The following WWP2 variants were observed in gnomAD, a reference collection of about 807,000 sequenced individuals.
WWP2 encodes the protein NEDD4-like E3 ubiquitin-protein ligase WWP2.
A neutral mutation model predicts 121.0 loss-of-function variants in WWP2; 57 were observed. The ratio of observed to expected loss-of-function variants is 0.47; its 90% CI spans 0.38 to 0.59. The LOEUF (loss-of-function observed/expected upper bound fraction) is 0.59, where lower values mean the gene tolerates loss of function less well. WWP2 is among the 20% of genes least tolerant of loss of function. WWP2 has a pLI of 0.00. For synonymous variants in WWP2, 449 were observed against 441.3 expected (o/e 1.02, Z -0.22); for missense variants, 962 against 1,158.9 (o/e 0.83, Z 2.47).
At chr16:69,939,724 C>A in intron 23 of WWP2, 117 bp from the exon 24 acceptor site, 1 of 930,920 alleles carries the variant, frequency 1.1e-6, no homozygotes, top group Non-Finnish European at 1.6e-6. Flanking sequence ...GACTGGCAGC[C>A]CCTGAGCCCT....
chr16:69,763,014 T>C (rs989317180), intron 1 of WWP2, among the ~76,000 whole-genome samples: 2 of 152,138 alleles, frequency 1.3e-5, no homozygotes, highest in African/African-American at 2.4e-5. Context: ...TCAGCTCATT[T>C]TTCTTTGAGA....
At position 69,940,167 on chromosome 16, in the gene WWP2, C is replaced by T. The variant is rs1052173000; in HGVS notation, c.*227C>T. ...TAAAGCCCCCTAGTTGCCTTTGGCC[C>T]CACCTTTGCAAAGTTCCAGAGGGCT... On this transcript the variant is annotated 3_prime_UTR_variant, in exon 24 of 24. Coordinates refer to ENST00000359154, the MANE Select transcript of WWP2 (RefSeq NM_001270454.2). The T allele has an allele frequency of 1.2e-5, 7 of 569,230 alleles. No homozygotes were observed. In the African/African-American group the frequency reaches 1.3e-4, roughly 11 times the overall value. 35.3% of individuals were successfully genotyped at this position (569,230 alleles called of 1,614,324 possible).
At chr16:69,891,809 G>A (rs534834489) in intron 8 of WWP2, among the ~76,000 whole-genome samples, 7 of 152,190 alleles carry the variant, frequency 4.6e-5, no homozygotes, top group Non-Finnish European at 4.4e-5. Flanking sequence ...CATCCCATCC[G>A]GGCTAGAACC....
chr16:69,819,840 C>T (rs1007552867), intron 4 of WWP2, among the ~76,000 whole-genome samples: 1 of 152,178 alleles, frequency 6.6e-6, no homozygotes, highest in African/African-American at 2.4e-5. Context: ...CAGTGAGATC[C>T]TTTGTGCCCA....
intron 9 of WWP2, among the ~76,000 whole-genome samples, chr16:69,915,788 CT>C (rs1398656050): frequency 1.3e-5 from 2 of 151,980 alleles, no homozygotes; most frequent in African/African-American, 4.8e-5. Flanking sequence ...AATCCTAGCA[CT>C]TTGGGAGGCT....
intron 6 of WWP2, among the ~76,000 whole-genome samples, chr16:69,856,346 A>G (rs995375002): frequency 1.3e-5 from 2 of 152,158 alleles, no homozygotes; most frequent in Admixed American, 1.3e-4. Flanking sequence ...TTTGGGAGCA[A>G]TGGGAATGTT....
intron 4 of WWP2, among the ~76,000 whole-genome samples, chr16:69,820,254 T>C (rs564526669): frequency 1.3e-5 from 2 of 152,144 alleles, no homozygotes; most frequent in South Asian, 2.1e-4. Context: ...GTTATTATTA[T>C]TTTTTTGAGA....
intron 1 of WWP2, among the ~76,000 whole-genome samples, chr16:69,766,894 C>T (rs11645326): frequency 0.01 from 1,594 of 152,298 alleles, 22 homozygotes; most frequent in Non-Finnish European, 0.015. Flanking sequence ...GCTGGGATTA[C>T]AGGCATCTGC....
At chr16:69,786,766 ACT>A (rs1405707344) in intron 1 of WWP2, among the ~76,000 whole-genome samples, 10 of 151,714 alleles carry the variant, frequency 6.6e-5, no homozygotes, top group Admixed American at 2.6e-4. Context: ...GTCTTAGTAG[ACT>A]CTGCCTCCTC....
intron 1 of WWP2, among the ~76,000 whole-genome samples, chr16:69,781,608 C>A (rs926416608): frequency 1.3e-5 from 2 of 152,052 alleles, no homozygotes; most frequent in Admixed American, 6.6e-5. Context: ...CCTCAGCCTC[C>A]CGAAGTGCTG....
intron 8 of WWP2, among the ~76,000 whole-genome samples, chr16:69,891,939 G>A (rs575953771): frequency 1.3e-5 from 2 of 152,296 alleles, no homozygotes; most frequent in East Asian, 3.9e-4. Flanking sequence ...TCCAGACTGT[G>A]CTGTCTCAGC....
chr16:69,840,352 G>T, intron 5 of WWP2, 89 bp downstream of exon 5: 1 of 1,565,956 alleles, frequency 6.4e-7, no homozygotes, highest in Non-Finnish European at 8.7e-7. Flanking sequence ...GTTCTTACTA[G>T]GCCATCTTGG....
intron 8 of WWP2, among the ~76,000 whole-genome samples, chr16:69,898,948 C>A (rs1020079412): frequency 6.6e-6 from 1 of 152,190 alleles, no homozygotes; most frequent in African/African-American, 2.4e-5. Context: ...AGGTGATCCA[C>A]CTGCCTCGGC....
intron 7 of WWP2, among the ~76,000 whole-genome samples, chr16:69,886,736 G>A (rs1195529757): frequency 6.6e-6 from 1 of 152,180 alleles, no homozygotes; most frequent in Non-Finnish European, 1.5e-5. Context: ...CTCCAGCTTG[G>A]GTGACGGAGC....
At chr16:69,863,410 C>T (rs1326334820) in intron 6 of WWP2, among the ~76,000 whole-genome samples, 1 of 152,014 alleles carries the variant, frequency 6.6e-6, no homozygotes, top group Non-Finnish European at 1.5e-5. Flanking sequence ...GAGGCCGAGG[C>T]GGGTGAAGTC....
At chr16:69,902,589 G>C (rs1302252812) in intron 8 of WWP2, among the ~76,000 whole-genome samples, 1 of 152,188 alleles carries the variant, frequency 6.6e-6, no homozygotes, top group African/African-American at 2.4e-5. Flanking sequence ...AGGGGGACAG[G>C]AGATGACCCA....
chr16:69,882,724 A>T (rs1203549666), intron 7 of WWP2, among the ~76,000 whole-genome samples: 1 of 152,228 alleles, frequency 6.6e-6, no homozygotes, highest in African/African-American at 2.4e-5. Context: ...AGAGAGTGGA[A>T]GTAGTGAAAA....
rs550022321 is a variant in WWP2, at chr16:69,894,220, C to T, written c.914+5971C>T. 9.4e-4 allele frequency among the ~76,000 whole-genome samples: 142 copies of T among 150,976 alleles called. 2 individuals are homozygous for T. The South Asian group carries it at 0.028, about 30-fold the overall frequency. ...CCTCCCGAGTAGCTGGGACTACAGG[C>T]GCATGCCACTATACCCAGGCTATTT... On this transcript the variant is annotated intron_variant, in intron 8 of 23. Coordinates refer to ENST00000359154, the MANE Select transcript of WWP2 (RefSeq NM_001270454.2).
chr16:69,895,438 C>T (rs1486881404), intron 8 of WWP2, among the ~76,000 whole-genome samples: 1 of 152,214 alleles, frequency 6.6e-6, no homozygotes, highest in African/African-American at 2.4e-5. Context: ...ATCTATTGAG[C>T]ACACATGTGG....
Sources: allele counts gnomAD v4.1 joint callset (sites outside exome capture counted in the v4.1 genomes callset), GRCh38; gene constraint gnomAD v4.1.1; transcripts MANE v1.5; gene names NCBI Gene and HGNC (gene_info 2026-07-23, HGNC 2026-07-21).